ATP10B: variants seen among roughly 807,000 people sequenced by gnomAD.
ATP10B encodes the protein phospholipid-transporting ATPase VB.
A neutral mutation model predicts 141.2 loss-of-function variants in ATP10B; 122 were observed. The observed-to-expected ratio is 0.86, with a 90% CI of 0.75 to 1.00. The LOEUF (loss-of-function observed/expected upper bound fraction) is 1.00. Among genes scored for constraint, ATP10B ranks in the 50% least tolerant of loss-of-function variants. The pLI is 0.00. For synonymous variants in ATP10B, 685 were observed against 692.0 expected, an observed-to-expected ratio of 0.99 and a Z score of 0.16; for missense variants, 1,876 against 1,825.3, an observed-to-expected ratio of 1.03 and a Z score of -0.51.
At chr5:160,925,128 G>T in the ATP10B span, among the ~76,000 whole-genome samples, 1 of 152,204 alleles carries the variant, frequency 6.6e-6, no homozygotes, top group African/African-American at 2.4e-5. Context: ...ATGTTTCCTT[G>T]AAAGTTTACT....
intron 2 of ATP10B, among the ~76,000 whole-genome samples, chr5:160,753,906 C>T (rs921185135): frequency 6.6e-6 from 1 of 152,134 alleles, no homozygotes; most frequent in South Asian, 2.1e-4. Flanking sequence ...CTTCTGATCC[C>T]ATGATTTGAA....
At chr5:160,827,370 A>G (rs1024370839) in intron 1 of ATP10B, among the ~76,000 whole-genome samples, 5 of 152,154 alleles carry the variant, frequency 3.3e-5, no homozygotes, top group African/African-American at 7.2e-5. Context: ...GTGAGATGGT[A>G]TCTAATTGTG....
chr5:160,578,271 C>T (rs765043768), intron 24 of ATP10B, among the ~76,000 whole-genome samples: 3 of 152,090 alleles, frequency 2.0e-5, no homozygotes, highest in Admixed American at 1.3e-4. Context: ...TAGGCATACA[C>T]GTGCCATGGT....
At chr5:160,797,333 GCT>G (rs1448824524) in intron 1 of ATP10B, among the ~76,000 whole-genome samples, 1 of 152,058 alleles carries the variant, frequency 6.6e-6, no homozygotes, top group Admixed American at 6.6e-5. Flanking sequence ...CTCCCCTTTT[GCT>G]CTGAAAGCAG....
intron 2 of ATP10B, among the ~76,000 whole-genome samples, chr5:160,760,870 C>A (rs1055865487): frequency 2.0e-5 from 3 of 151,230 alleles, no homozygotes; most frequent in African/African-American, 7.3e-5. Context: ...GTAGGCCCTG[C>A]CCAAGGAGAG....
chr5:160,782,948 T>C (rs1195109692), intron 2 of ATP10B, among the ~76,000 whole-genome samples: 2 of 152,152 alleles, frequency 1.3e-5, no homozygotes, highest in Non-Finnish European at 2.9e-5. Flanking sequence ...TATATAGAAG[T>C]ATATATACAC....
intron 2 of ATP10B, among the ~76,000 whole-genome samples, chr5:160,719,022 T>A (rs1181622765): frequency 6.6e-6 from 1 of 152,060 alleles, no homozygotes; most frequent in Non-Finnish European, 1.5e-5. Flanking sequence ...TTCGTCAGAG[T>A]TCTTTGGACT....
chr5:160,816,433 C>T (rs1773631612), intron 1 of ATP10B, among the ~76,000 whole-genome samples: 1 of 151,914 alleles, frequency 6.6e-6, no homozygotes, highest in South Asian at 2.1e-4. Flanking sequence ...ACACATACAC[C>T]CTCCCATGAC....
chr5:160,819,706 A>G (rs187192727), intron 1 of ATP10B, among the ~76,000 whole-genome samples: 4 of 152,292 alleles, frequency 2.6e-5, no homozygotes, highest in Non-Finnish European at 5.9e-5. Flanking sequence ...TGGAGTTTTT[A>G]TTAGTTTTCT....
intron 2 of ATP10B, among the ~76,000 whole-genome samples, chr5:160,775,456 T>C (rs548077079): frequency 7.6e-4 from 116 of 152,272 alleles, no homozygotes; most frequent in Non-Finnish European, 1.4e-3. Context: ...TATAGGAGCA[T>C]AGGGCACAGA....
At chr5:160,647,627 G>C (rs534086310) in intron 8 of ATP10B, among the ~76,000 whole-genome samples, 7 of 152,298 alleles carry the variant, frequency 4.6e-5, no homozygotes, top group African/African-American at 1.7e-4. Context: ...CTAACAATGA[G>C]GCTGTTCTCT....
chr5:160,620,559 CTG>C lies in ATP10B; in HGVS notation c.2202_2203del (p.Tyr734Ter). On this transcript the variant is annotated stop_gained and frameshift_variant, in exon 15 of 26. Coordinates refer to ENST00000327245, the MANE Select transcript of ATP10B (RefSeq NM_025153.3). LOFTEE classifies it high-confidence loss of function. ...AGGTGTCCGGGACACTAGTGTGAAGCTGTAGGCATGGGCAGCGTGCACCAGGG... is the reference window on the plus strand; with the variant it reads ...AGGTGTCCGGGACACTAGTGTGAAGCTAGGCATGGGCAGCGTGCACCAGGG... The C allele has an allele frequency of 6.2e-7, 1 of 1,614,028 alleles. No homozygotes were observed. Among genetic ancestry groups the C allele is most frequent in the Non-Finnish European group, 8.5e-7 (1 of 1,179,904 alleles).
At chr5:160,917,608 C>G in the ATP10B span, among the ~76,000 whole-genome samples, 6 of 152,146 alleles carry the variant, frequency 3.9e-5, no homozygotes, top group African/African-American at 1.4e-4. Flanking sequence ...CTTTACAATC[C>G]TCAAGTCAAA....
At chr5:160,793,447 CAG>C (rs1771731478) in intron 1 of ATP10B, among the ~76,000 whole-genome samples, 1 of 152,188 alleles carries the variant, frequency 6.6e-6, no homozygotes, top group Non-Finnish European at 1.5e-5. Flanking sequence ...TGTGGTGTAA[CAG>C]AATTTAACTA....
intron 2 of ATP10B, among the ~76,000 whole-genome samples, chr5:160,741,357 G>A (rs1767464732): frequency 6.6e-6 from 1 of 152,214 alleles, no homozygotes; most frequent in Non-Finnish European, 1.5e-5. Flanking sequence ...AAGTCCAAAA[G>A]GAGGATGGGA....
intron 2 of ATP10B, among the ~76,000 whole-genome samples, chr5:160,754,873 C>A (rs529795346): frequency 2.8e-4 from 42 of 152,194 alleles, no homozygotes; most frequent in African/African-American, 1.0e-3. Context: ...CAATGTGTCA[C>A]CTTTTATTTA....
At chr5:160,904,142 T>A in the ATP10B span, among the ~76,000 whole-genome samples, 1 of 152,092 alleles carries the variant, frequency 6.6e-6, no homozygotes, top group Non-Finnish European at 1.5e-5. Flanking sequence ...GTTTTTTTTT[T>A]ACTATCACGA....
At position 160,727,182 on chromosome 5, in the gene ATP10B, G is replaced by A. The variant is rs534824819; in HGVS notation, c.-330-10148C>T. On this transcript the variant is annotated intron_variant, in intron 2 of 25. Transcript: ENST00000327245. ...CCTGTCTTAGATTTTCTGAGTTTACGGTACCTGCTACATATTAGTATTATA... is the reference window on the plus strand; with the variant it reads ...CCTGTCTTAGATTTTCTGAGTTTACAGTACCTGCTACATATTAGTATTATA... 8.5e-5 allele frequency among the ~76,000 whole-genome samples: 13 copies of A among 152,118 alleles called. No homozygotes were observed. The East Asian group carries it at 9.7e-4, about 11-fold the overall frequency.
At chr5:160,652,734 ATATT>A (rs1290084738) in intron 7 of ATP10B, among the ~76,000 whole-genome samples, 2 of 119,448 alleles carry the variant, frequency 1.7e-5, no homozygotes, top group East Asian at 4.6e-4. Context: ...ATATATACAT[ATATT>A]TATGTACTAT....
Sources: gnomAD v4.1 joint callset for allele counts (sites outside exome capture counted in the v4.1 genomes callset) on GRCh38, gnomAD v4.1.1 for gene constraint, MANE v1.5 for transcripts, NCBI Gene and HGNC (gene_info 2026-07-23, HGNC 2026-07-21) for gene names.